ZNF462: variants seen among roughly 807,000 people sequenced by gnomAD.
ZNF462 encodes the protein zinc finger protein 462, also known as zinc finger PBX1-interacting protein.
In ZNF462, 10 loss-of-function variants were observed where a neutral mutation model predicts 201.9. That is an observed-to-expected ratio of 0.05 (90% CI 0.03 to 0.08). The LOEUF is 0.08. Ranked by LOEUF, ZNF462 falls within the 10% of genes least tolerant of loss-of-function variation. ZNF462 has a pLI of 1.00. For missense variants in ZNF462, 2,523 were observed against 3,168.3 expected (o/e 0.80, Z 4.89); for synonymous variants, 1,227 against 1,193.3 (o/e 1.03, Z -0.58).
At position 106,939,072 on chromosome 9, in the gene ZNF462, A is replaced by G; in HGVS notation, c.6392A>G (p.Lys2131Arg). Residue 2131 changes from lysine (K) to arginine (R), a missense_variant, in exon 7 of 13, where the codon AAA (lysine) becomes AGA (arginine). Lys to Arg is a conservative substitution (Grantham distance 26). Coordinates refer to ENST00000277225, the MANE Select transcript of ZNF462 (RefSeq NM_021224.6). ...TCACACTCCCACCACTCCTCCCAAA[A>G]AGCTACCCCGGCTGAAGAAGTGGAA... ...LSSHSHHSSQ[K>R]ATPAEEVEDS... The G allele has an allele frequency of 6.2e-7, 1 of 1,610,944 alleles. No homozygotes were observed. The highest frequency in any genetic ancestry group is 8.5e-7 in the Non-Finnish European group (1 of 1,178,802).
In ZNF462 at chr9:106,935,473, T is replaced by G; in HGVS notation, c.6117-30T>G. ...CTCTATGCAATTTTTAATTTTGTCA[T>G]TTTTCTTTTTGTTTTCCTTCTACAT... On this transcript the variant is annotated intron_variant, in intron 5 of 12. Coordinates refer to ENST00000277225, the MANE Select transcript of ZNF462 (RefSeq NM_021224.6). The surrounding 1 kb of genome is among the most constrained non-coding windows in gnomAD (Gnocchi z 4.1). 6.3e-7 allele frequency: 1 copy of G among 1,598,546 alleles called. No individual in the cohort carries two copies. Among genetic ancestry groups the G allele is most frequent in the Non-Finnish European group, 8.6e-7 (1 of 1,166,536 alleles).
chr9:107,005,575 G>T lies in ZNF462; in HGVS notation c.7189+2149G>T, dbSNP rs1477296249. On this transcript the variant is annotated intron_variant, in intron 11 of 12. Transcript: ENST00000277225. The surrounding 1 kb of genome is among the most constrained non-coding windows in gnomAD (Gnocchi z 4.4). ...GTTGCTTGATTTTCTAATACAGCAT[G>T]GGTATTAATTCCTTATCAGATGTAT... is the stretch of plus-strand genomic sequence containing the variant. Among the ~76,000 whole-genome samples, 1 of 152,154 alleles carries T rather than the reference G, an allele frequency of 6.6e-6. No individual in the cohort carries two copies. Among genetic ancestry groups the T allele is most frequent in the East Asian group, 1.9e-4 (1 of 5,188 alleles).
Position 107,003,155 on chromosome 9 carries a change from C to A in ZNF462, c.7057-139C>A. 2 of 1,104,170 alleles carry A rather than the reference C, an allele frequency of 1.8e-6. No individual in the cohort carries two copies. Among genetic ancestry groups the A allele is most frequent in the Non-Finnish European group, 2.6e-6 (2 of 777,058 alleles). The allele number at this position is 1,104,170 out of a possible 1,614,324, so 68.4% of individuals were successfully genotyped here. A position where few individuals can be genotyped will look rare whatever the true frequency, so the allele number is the denominator to read the frequency against. ...AAAGAGTCAAAACGAAGAAAAAGAC[C>A]TCTTAGGCCCCGGAGTTGTTTGGTC... On this transcript the variant is annotated intron_variant, in intron 10 of 12. Transcript: ENST00000277225. The surrounding 1 kb of genome is among the most constrained non-coding windows in gnomAD (Gnocchi z 4.4).
chr9:106,984,156 C>T lies in ZNF462; in HGVS notation c.6833-30C>T, dbSNP rs372522124. 2 of 1,586,892 alleles carry T rather than the reference C, an allele frequency of 1.3e-6. No homozygotes were observed. The highest frequency in any genetic ancestry group is 1.1e-5 in the South Asian group (1 of 87,636). ...TTCTGTTTTGCCATCAGTAAAAATTCCCATCTTTCCATTCAATTTGTTTCC... is the reference window on the plus strand; with the variant it reads ...TTCTGTTTTGCCATCAGTAAAAATTTCCATCTTTCCATTCAATTTGTTTCC... On this transcript the variant is annotated intron_variant, in intron 9 of 12. Transcript: ENST00000277225. The surrounding 1 kb of genome is among the most constrained non-coding windows in gnomAD (Gnocchi z 6.4).
chr9:107,001,372 G>C (rs567608980), intron 10 of ZNF462, among the ~76,000 whole-genome samples: 1 of 152,184 alleles, frequency 6.6e-6, no homozygotes, highest in South Asian at 2.1e-4. Context: ...ACTAGAAAAG[G>C]CTCACATTCC....
intron 7 of ZNF462, among the ~76,000 whole-genome samples, chr9:106,960,598 G>A (rs1564133752): frequency 6.6e-6 from 1 of 152,050 alleles, no homozygotes; most frequent in African/African-American, 2.4e-5. Context: ...TTATGCATTC[G>A]GTATTGTGAG....
Position 106,927,646 on chromosome 9 carries a change from C to T in ZNF462, c.3734C>T (p.Ala1245Val). Reference protein sequence around the residue: ...SLCDRNQKKPASCVLVSPSNL... With the variant: ...SLCDRNQKKPVSCVLVSPSNL... ...TGCGACCGAAATCAGAAGAAGCCTG[C>T]CAGCTGCGTGCTTGTCTCCCCCTCT... The change falls in exon 3 of 13, where the codon GCC (alanine) becomes GTC (valine). Residue 1245 changes from alanine to valine, a missense_variant. Around this residue, in one of 15 missense-constraint regions of ZNF462, gnomAD observed 222 missense variants for 271.6 expected, o/e 0.82. Coordinates refer to ENST00000277225, the MANE Select transcript of ZNF462 (RefSeq NM_021224.6). 6.2e-7 allele frequency: 1 copy of T among 1,614,054 alleles called. No individual in the cohort carries two copies. Among genetic ancestry groups the T allele is most frequent in the African/African-American group, 1.3e-5 (1 of 75,010 alleles).
chr9:107,004,520 T>A (rs1206261480), intron 11 of ZNF462, among the ~76,000 whole-genome samples: 4 of 152,126 alleles, frequency 2.6e-5, no homozygotes, highest in African/African-American at 7.2e-5. Context: ...TAATATCACC[T>A]CCCTCCTAAG....
chr9:106,998,288 A>G (rs917185855), intron 10 of ZNF462, among the ~76,000 whole-genome samples: 9 of 152,188 alleles, frequency 5.9e-5, no homozygotes, highest in African/African-American at 2.2e-4. Flanking sequence ...GATGCCTGCA[A>G]TGTAATCTGA....
chr9:106,878,734 T>C (rs1827950672), intron 1 of ZNF462, among the ~76,000 whole-genome samples: 1 of 152,244 alleles, frequency 6.6e-6, no homozygotes, highest in African/African-American at 2.4e-5. Flanking sequence ...GATTCCTGTT[T>C]AGATGCATTC....
intron 9 of ZNF462, among the ~76,000 whole-genome samples, chr9:106,983,144 G>A (rs941552555): frequency 2.6e-5 from 4 of 152,290 alleles, no homozygotes; most frequent in East Asian, 1.9e-4. Context: ...TGGCGTGTGC[G>A]CTGATACTCT....
intron 1 of ZNF462, among the ~76,000 whole-genome samples, chr9:106,911,481 A>G (rs2131306500): frequency 6.6e-6 from 1 of 151,810 alleles, no homozygotes; most frequent in East Asian, 1.9e-4. Flanking sequence ...GAGAATATGT[A>G]AAAAAAAATT....
chr9:106,947,065 G>A (rs1831141488), intron 7 of ZNF462, among the ~76,000 whole-genome samples: 2 of 152,126 alleles, frequency 1.3e-5, no homozygotes, highest in African/African-American at 4.8e-5. Flanking sequence ...TGACATGAGG[G>A]GCAAGTATAC....
chr9:106,926,078 T>C lies in ZNF462; in HGVS notation c.2166T>C (p.Asp722=). 1 of 1,614,000 alleles carries C rather than the reference T, an allele frequency of 6.2e-7. No individual in the cohort carries two copies. Among genetic ancestry groups the C allele is most frequent in the Non-Finnish European group, 8.5e-7 (1 of 1,179,992 alleles). ...AAGATGCAGTGATCAATGTTGAGGA[T>C]GATGAAGAGGAAGAGGAAGACAACG... ...QQEDAVINVE[D]DEEEEEDNEV... is the part of the protein sequence containing the mutation. The change falls in exon 3 of 13, where the codon GAT becomes GAC. Residue 722 remains aspartate (D), a synonymous_variant. Coordinates refer to ENST00000277225, the MANE Select transcript of ZNF462 (RefSeq NM_021224.6). The surrounding 1 kb of genome is among the most constrained non-coding windows in gnomAD (Gnocchi z 7.9).
rs1391740452 is a variant in ZNF462 at position 106,905,919 on chromosome 9, A to C, written c.-30-17435A>C. On this transcript the variant is annotated intron_variant, in intron 1 of 12. Coordinates refer to ENST00000277225, the MANE Select transcript of ZNF462 (RefSeq NM_021224.6). This position sits in a 1 kb window ranked among gnomAD's most constrained non-coding sequence, Gnocchi z 5.9. ...CGGAGTTCTGGCCAGGAGGCTTCTC[A>C]CCACGTTTAAATTGTTACAAAGTTC... is the stretch of plus-strand genomic sequence containing the variant. 6.6e-6 allele frequency among the ~76,000 whole-genome samples: 1 copy of C among 152,110 alleles called. No homozygotes were observed. The highest frequency in any genetic ancestry group is 1.5e-5 in the Non-Finnish European group (1 of 68,028).
intron 1 of ZNF462, among the ~76,000 whole-genome samples, chr9:106,910,376 T>TG (rs1482411794): frequency 6.7e-6 from 1 of 149,664 alleles, no homozygotes; most frequent in East Asian, 1.9e-4. Context: ...TTTTTTTTTT[T>TG]TTTTTTTTTT....
chr9:106,951,121 G>C (rs902474899), intron 7 of ZNF462, among the ~76,000 whole-genome samples: 45 of 152,182 alleles, frequency 3.0e-4, no homozygotes, highest in African/African-American at 1.1e-3. Context: ...CAAGGTTTAA[G>C]TAAAATATTG....
chr9:106,983,576 GT>G (rs1827604700), intron 9 of ZNF462, among the ~76,000 whole-genome samples: 1 of 152,220 alleles, frequency 6.6e-6, no homozygotes, highest in Non-Finnish European at 1.5e-5. Flanking sequence ...TAGATTTACA[GT>G]TAAGCAGACC....
intron 7 of ZNF462, among the ~76,000 whole-genome samples, chr9:106,953,110 A>G (rs1052106033): frequency 6.6e-6 from 1 of 152,128 alleles, no homozygotes; most frequent in Non-Finnish European, 1.5e-5. Context: ...TTATCTTCCA[A>G]ATCTCTTGGA....
Sources: allele counts gnomAD v4.1 joint callset (sites outside exome capture counted in the v4.1 genomes callset), GRCh38; gene constraint gnomAD v4.1.1; regional missense constraint gnomAD v4.1.1; non-coding constraint Gnocchi (gnomAD v3.1); transcripts MANE v1.5; gene names NCBI Gene and HGNC (gene_info 2026-07-23, HGNC 2026-07-21).